FAF1: variants seen among roughly 807,000 people sequenced by gnomAD.
FAF1 encodes Fas associated factor 1, also known as FAS-associated factor 1.
In FAF1, 25 loss-of-function variants were observed where a neutral mutation model predicts 92.5. That is an observed-to-expected ratio of 0.27 (90% CI 0.20 to 0.38). FAF1 has a LOEUF of 0.38. Among genes scored for constraint, FAF1 ranks in the 10% least tolerant of loss-of-function variants. FAF1 has a pLI of 1.00. For synonymous variants in FAF1, 234 were observed against 273.2 expected, an observed-to-expected ratio of 0.86 and a Z score of 1.42; for missense variants, 636 against 793.3, an observed-to-expected ratio of 0.80 and a Z score of 2.38.
intron 2 of FAF1, among the ~76,000 whole-genome samples, chr1:50,823,177 T>A (rs979318550): frequency 1.3e-5 from 2 of 152,234 alleles, no homozygotes; most frequent in Non-Finnish European, 2.9e-5. Flanking sequence ...ATATCTGCTT[T>A]ATATTACAAG....
intron 2 of FAF1, among the ~76,000 whole-genome samples, chr1:50,817,649 T>C (rs1643991421): frequency 6.6e-6 from 1 of 152,200 alleles, no homozygotes; most frequent in Non-Finnish European, 1.5e-5. Flanking sequence ...TTATGTTATG[T>C]GTATTTTGTC....
intron 1 of FAF1, among the ~76,000 whole-genome samples, chr1:50,928,763 A>G (rs1444539949): frequency 1.4e-5 from 2 of 143,016 alleles, no homozygotes; most frequent in East Asian, 4.1e-4. Context: ...AGCCCAGGCA[A>G]CAGTGCGAGA....
chr1:50,460,601 A>ATGTG (rs761777414), intron 18 of FAF1, among the ~76,000 whole-genome samples: 52 of 149,608 alleles, frequency 3.5e-4, no homozygotes, highest in African/African-American at 1.1e-3. Flanking sequence ...ATGTATATAT[A>ATGTG]TGTGTGTGTG....
intron 3 of FAF1, among the ~76,000 whole-genome samples, chr1:50,798,084 A>C (rs1033815220): frequency 3.9e-4 from 59 of 152,106 alleles, no homozygotes; most frequent in Non-Finnish European, 8.1e-4. Context: ...AAAAAAAAAA[A>C]AACTCCGCAT....
At chr1:50,937,138 C>T (rs1645091276) in intron 1 of FAF1, among the ~76,000 whole-genome samples, 2 of 151,932 alleles carry the variant, frequency 1.3e-5, no homozygotes, top group Admixed American at 1.3e-4. Flanking sequence ...TTTATGTTAC[C>T]ACCCACTCAA....
intron 1 of FAF1, among the ~76,000 whole-genome samples, chr1:50,941,024 G>GT (rs1279444460): frequency 1.6e-4 from 24 of 149,760 alleles, no homozygotes; most frequent in African/African-American, 5.6e-4. Context: ...GCAGTTTGGG[G>GT]TTTTTTTGGT....
At chr1:50,627,426 C>G (rs1417769309) in intron 8 of FAF1, among the ~76,000 whole-genome samples, 1 of 152,070 alleles carries the variant, frequency 6.6e-6, no homozygotes, top group Non-Finnish European at 1.5e-5. Flanking sequence ...TGAAAACTAT[C>G]TAAATGCCTG....
At chr1:50,528,246 G>A (rs1176330897) in intron 15 of FAF1, among the ~76,000 whole-genome samples, 3 of 152,056 alleles carry the variant, frequency 2.0e-5, no homozygotes, top group Non-Finnish European at 4.4e-5. Context: ...AGCAGGGTTT[G>A]CATCCATTTT....
intron 6 of FAF1, among the ~76,000 whole-genome samples, chr1:50,729,160 A>G (rs1266345126): frequency 6.7e-6 from 1 of 150,012 alleles, no homozygotes; most frequent in Non-Finnish European, 1.5e-5. Flanking sequence ...GGTTCAAGTG[A>G]TTCTCCTGCC....
chr1:50,831,334 C>T (rs1644150802), intron 2 of FAF1, among the ~76,000 whole-genome samples: 1 of 152,150 alleles, frequency 6.6e-6, no homozygotes, highest in South Asian at 2.1e-4. Context: ...AATTCCCTGT[C>T]TTTCCTCAAG....
chr1:50,642,336 A>C (rs1460407818), intron 8 of FAF1, among the ~76,000 whole-genome samples: 1 of 151,888 alleles, frequency 6.6e-6, no homozygotes, highest in East Asian at 2.0e-4. Flanking sequence ...AAAGTAGATC[A>C]ACCTATTGTT....
chr1:50,731,241 G>C (rs1011553295), intron 6 of FAF1, among the ~76,000 whole-genome samples: 1 of 152,114 alleles, frequency 6.6e-6, no homozygotes, highest in Admixed American at 6.5e-5. Context: ...CCCATGAAAG[G>C]CACACTATAA....
chr1:50,612,193 A>T (rs1652715436), intron 8 of FAF1: 1 of 176,950 alleles, frequency 5.7e-6, no homozygotes, highest in Admixed American at 6.4e-5. Flanking sequence ...TAACAAAAGC[A>T]TATAAAGTCA....
intron 1 of FAF1, among the ~76,000 whole-genome samples, chr1:50,955,084 G>A (rs79893158): frequency 2.2e-3 from 331 of 152,254 alleles, no homozygotes; most frequent in African/African-American, 7.3e-3. Flanking sequence ...GATAGCAATC[G>A]CAATTATTTG....
In FAF1 at chr1:50,437,311, TG is replaced by T. The variant is rs1453432451; in HGVS notation, c.*4128del. On this transcript the variant is annotated 3_prime_UTR_variant, in exon 19 of 19. Transcript: ENST00000396153. The stretch of plus-strand genomic sequence containing the variant: ...GTAAATGGTGATTCTTAAAATTTTT[TG>T]ATCAATAGGTCCCACTGAGAATCTG... The T allele has an allele frequency of 6.6e-6, 1 of 152,170 alleles. No individual in the cohort carries two copies. The highest frequency in any genetic ancestry group is 1.5e-5 in the Non-Finnish European group (1 of 68,030). The allele number at this position is 152,170 out of a possible 1,614,324, so 9.4% of individuals were successfully genotyped here. A position where few individuals can be genotyped will look rare whatever the true frequency, so the allele number is the denominator to read the frequency against.
intron 18 of FAF1, among the ~76,000 whole-genome samples, chr1:50,474,637 T>A (rs1646616642): frequency 6.6e-6 from 1 of 152,182 alleles, no homozygotes; most frequent in Admixed American, 6.5e-5. Context: ...TATTAACGTG[T>A]ATTCAGCTTA....
At chr1:50,504,274 C>T (rs1219294515) in intron 15 of FAF1, among the ~76,000 whole-genome samples, 4 of 151,340 alleles carry the variant, frequency 2.6e-5, no homozygotes, top group Non-Finnish European at 5.9e-5. Flanking sequence ...ACTAGGAAGC[C>T]TAAAAGAAGA....
At chr1:50,640,437 C>T (rs982461252) in intron 8 of FAF1, among the ~76,000 whole-genome samples, 4 of 151,354 alleles carry the variant, frequency 2.6e-5, no homozygotes, top group Non-Finnish European at 5.9e-5. Flanking sequence ...GGACTACAGG[C>T]GCCCACCACC....
chr1:50,689,540 C>T (rs906125944), intron 7 of FAF1, among the ~76,000 whole-genome samples: 4 of 152,060 alleles, frequency 2.6e-5, no homozygotes, highest in African/African-American at 9.7e-5. Context: ...GCCGAGATTG[C>T]GCCACTGCAC....
Sources: gnomAD v4.1 joint callset for allele counts (sites outside exome capture counted in the v4.1 genomes callset) on GRCh38, gnomAD v4.1.1 for gene constraint, MANE v1.5 for transcripts, NCBI Gene and HGNC (gene_info 2026-07-23, HGNC 2026-07-21) for gene names.